The following GART variants were observed in gnomAD, a reference collection of about 807,000 sequenced individuals.
GART encodes phosphoribosylglycinamide formyltransferase, phosphoribosylglycinamide synthetase, phosphoribosylaminoimidazole synthetase.
A neutral mutation model predicts 107.2 loss-of-function variants in GART; 43 were observed. The ratio of observed to expected loss-of-function variants is 0.40; its 90% CI spans 0.31 to 0.52. The LOEUF (loss-of-function observed/expected upper bound fraction) is 0.52, where lower values mean the gene tolerates loss of function less well. Ranked by LOEUF, GART falls within the 20% of genes least tolerant of loss-of-function variation. The pLI, the probability that GART is intolerant of heterozygous loss-of-function variation, is 0.52. For synonymous variants in GART, 434 were observed against 427.0 expected, an observed-to-expected ratio of 1.02 and a Z score of -0.20; for missense variants, 1,107 against 1,206.5, an observed-to-expected ratio of 0.92 and a Z score of 1.22.
intron 11 of GART, among the ~76,000 whole-genome samples, chr21:33,523,553 TA>T (rs1035923785): frequency 2.6e-5 from 4 of 152,190 alleles, no homozygotes; most frequent in Non-Finnish European, 4.4e-5. Context: ...GTTTAAACTT[TA>T]AAAAAACCTG....
rs1601203279 is a variant in GART at position 33,524,941 on chromosome 21, T to A, written c.1126A>T (p.Asn376Tyr). ...CCCCCATGAGTTACTACTTTGCCATTTTTGAGGGCAGTGCCTGCATGGAAC... is the reference window on the plus strand; with the variant it reads ...CCCCCATGAGTTACTACTTTGCCATATTTGAGGGCAGTGCCTGCATGGAAC... ...EVFHAGTALKNGKVVTHGGRV... is the reference protein window; with the variant it reads ...EVFHAGTALKYGKVVTHGGRV... The change falls in exon 11 of 22, where the codon AAT (asparagine) becomes TAT (tyrosine). Residue 376 changes from asparagine to tyrosine, a missense_variant. Coordinates refer to ENST00000381815, the MANE Select transcript of GART (RefSeq NM_000819.5). 1.2e-6 allele frequency: 2 copies of A among 1,614,222 alleles called. No individual in the cohort carries two copies. Among genetic ancestry groups the A allele is most frequent in the Non-Finnish European group, 8.5e-7 (1 of 1,180,034 alleles).
Position 33,539,358 on chromosome 21 carries a change from T to G in GART, c.-41-2A>C. 1 of 1,587,692 alleles carries G rather than the reference T, an allele frequency of 6.3e-7. No individual in the cohort carries two copies. The highest frequency in any genetic ancestry group is 8.5e-7 in the Non-Finnish European group (1 of 1,171,060). ...AGAAATTCCAAAGGAAAATGAAACC[T>G]GCAGAAAGAAAACCACAGTTTATAT... On this transcript the variant is annotated splice_acceptor_variant, in intron 1 of 21. Transcript: ENST00000381815. LOFTEE classifies it low-confidence loss of function (5UTR_SPLICE).
At chr21:33,538,573 A>G (rs1451893359) in intron 2 of GART, among the ~76,000 whole-genome samples, 1 of 152,168 alleles carries the variant, frequency 6.6e-6, no homozygotes, top group Non-Finnish European at 1.5e-5. Flanking sequence ...TTCCATTTAC[A>G]AAAATACACA....
chr21:33,517,412 T>C lies in GART; in HGVS notation c.1899A>G (p.Lys633=). The C allele has an allele frequency of 6.2e-7, 1 of 1,614,068 alleles. No individual in the cohort carries two copies. Among genetic ancestry groups the C allele is most frequent in the Non-Finnish European group, 8.5e-7 (1 of 1,180,008 alleles). ...GFSLVRKIVA[K]SSLQYSSPAP... Reference sequence around the variant, plus strand: ...CTGGAGAGGAGTACTGGAGGGAAGATTTTGCCACGATTTTCCTCACAAGGC... The same window carrying C: ...CTGGAGAGGAGTACTGGAGGGAAGACTTTGCCACGATTTTCCTCACAAGGC... Residue 633 remains lysine (K), a synonymous_variant, in exon 15 of 22, where the codon AAA becomes AAG. Coordinates refer to ENST00000381815, the MANE Select transcript of GART (RefSeq NM_000819.5).
At chr21:33,539,411 G>A in intron 1 of GART, 55 bp from the exon 2 acceptor site, 1 of 1,408,724 alleles carries the variant, frequency 7.1e-7, no homozygotes, top group South Asian at 1.4e-5. Flanking sequence ...AGAAACCCAG[G>A]GACGGGCACA....
At chr21:33,535,429 G>C (rs2085286052) in intron 2 of GART, 109 bp from the exon 3 acceptor site, 1 of 603,252 alleles carries the variant, frequency 1.7e-6, no homozygotes, top group African/African-American at 1.9e-5. Context: ...TAGTATGCTT[G>C]TTATCTGTTG....
intron 10 of GART, 143 bp from the exon 11 acceptor site, chr21:33,525,143 T>G: frequency 7.2e-7 from 1 of 1,393,376 alleles, no homozygotes; most frequent in Non-Finnish European, 9.4e-7. Context: ...TTCCAGCACT[T>G]TGGGAGGCTG....
chr21:33,533,620 T>C (rs187148606), intron 4 of GART, among the ~76,000 whole-genome samples: 21 of 150,612 alleles, frequency 1.4e-4, no homozygotes, highest in Admixed American at 1.4e-3. Flanking sequence ...AATCTGACCG[T>C]GAGGCCTAGT....
intron 4 of GART, 124 bp downstream of exon 4, chr21:33,534,455 G>T: frequency 2.1e-6 from 2 of 932,526 alleles, no homozygotes; most frequent in Non-Finnish European, 3.3e-6. Flanking sequence ...GAGCTCAAGT[G>T]ATTCACCTGC....
chr21:33,524,511 T>C (rs1569023619), intron 11 of GART: 2 of 1,000,984 alleles, frequency 2.0e-6, no homozygotes, highest in Non-Finnish European at 2.5e-6. Flanking sequence ...AAATATAAAA[T>C]AAAAAAAATA....
intron 4 of GART, among the ~76,000 whole-genome samples, chr21:33,534,212 A>G (rs1197038329): frequency 1.1e-4 from 16 of 151,994 alleles, no homozygotes; most frequent in Non-Finnish European, 1.6e-4. Context: ...AGTGACCTGT[A>G]TATTTATTTA....
intron 14 of GART, among the ~76,000 whole-genome samples, chr21:33,520,104 T>C (rs957948401): frequency 1.3e-5 from 2 of 151,886 alleles, no homozygotes; most frequent in Non-Finnish European, 2.9e-5. Flanking sequence ...TGGCCAAAAA[T>C]TGGGAAGAAA....
chr21:33,509,788 C>T lies in GART; in HGVS notation c.2447G>A (p.Gly816Glu). The T allele has an allele frequency of 6.2e-7, 1 of 1,613,596 alleles. No individual in the cohort carries two copies. The highest frequency in any genetic ancestry group is 8.5e-7 in the Non-Finnish European group (1 of 1,179,860). ...AAGGGGAAGCCACATCTCACCTGTT[C>T]CAGATATTAAGACAGCCACTCTGGC... The part of the protein sequence containing the change: ...KKARVAVLIS[G>E]TGSNLQALID... The change falls in exon 18 of 22, where the codon GGA (glycine) becomes GAA (glutamate). Residue 816 changes from glycine (G) to glutamate (E), a missense_variant. Gly to Glu is a moderately conservative substitution (Grantham distance 98). Transcript: ENST00000381815.
At position 33,524,951 on chromosome 21, in the gene GART, A is replaced by C; in HGVS notation, c.1116T>G (p.Thr372=). The change falls in exon 11 of 22, where the codon ACT becomes ACG. Residue 372 remains threonine (T), a synonymous_variant. Coordinates refer to ENST00000381815, the MANE Select transcript of GART (RefSeq NM_000819.5). The part of the protein sequence containing the change: ...ALGLEVFHAG[T]ALKNGKVVTH... ...TTACTACTTTGCCATTTTTGAGGGC[A>C]GTGCCTGCATGGAACACCTCCAGTC... The C allele has an allele frequency of 6.2e-7, 1 of 1,614,258 alleles. No individual in the cohort carries two copies. Among genetic ancestry groups the C allele is most frequent in the Non-Finnish European group, 8.5e-7 (1 of 1,180,052 alleles).
chr21:33,542,214 G>C (rs575727339), upstream of GART: 3 of 152,350 alleles, frequency 2.0e-5, no homozygotes, highest in African/African-American at 7.2e-5. Flanking sequence ...CTGGGTCTCC[G>C]CGGCGAGAAT....
In GART at chr21:33,536,444, G is replaced by A. The variant is rs74442409; in HGVS notation, c.146-1124C>T. On this transcript the variant is annotated intron_variant, in intron 2 of 21. Transcript: ENST00000381815. ...GCAATCACTCTGCCATTGGTACAGA[G>A]TACAAGAAGTGATATTTGTGATGTA... Among the ~76,000 whole-genome samples the A allele has an allele frequency of 3.4e-3, 517 of 152,340 alleles. 2 individuals carry two copies. The highest frequency in any genetic ancestry group is 3.4e-3 in the Non-Finnish European group (234 of 68,038).
intron 5 of GART, chr21:33,531,942 G>A (rs549526051): frequency 9.9e-4 from 242 of 245,084 alleles, no homozygotes; most frequent in Admixed American, 1.7e-3. Flanking sequence ...ACTTCTACAA[G>A]GACAGAAAAC....
At chr21:33,540,760 T>C (rs761347962) in intron 1 of GART, among the ~76,000 whole-genome samples, 12 of 152,226 alleles carry the variant, frequency 7.9e-5, no homozygotes, top group Non-Finnish European at 1.6e-4. Context: ...GGATTACATA[T>C]TTTAAGAAAA....
chr21:33,535,196 C>T, intron 3 of GART, 29 bp downstream of exon 3: 1 of 1,398,210 alleles, frequency 7.2e-7, no homozygotes, highest in Admixed American at 2.2e-5. Context: ...ACTGAATATA[C>T]TGTAACAATA....
Sources: gnomAD v4.1 joint callset for allele counts (sites outside exome capture counted in the v4.1 genomes callset) on GRCh38, gnomAD v4.1.1 for gene constraint, MANE v1.5 for transcripts, NCBI Gene and HGNC (gene_info 2026-07-23, HGNC 2026-07-21) for gene names.